The following SEMA5A variants were observed in gnomAD, a reference collection of about 807,000 sequenced individuals.
SEMA5A encodes semaphorin 5A.
Under a neutral mutation model 135.5 loss-of-function variants are expected in SEMA5A, and 55 were observed. That is an observed-to-expected ratio of 0.41 (90% CI 0.33 to 0.51). SEMA5A has a LOEUF of 0.51. Among genes scored for constraint, SEMA5A ranks in the 20% least tolerant of loss-of-function variants. SEMA5A has a pLI of 0.37. For missense variants in SEMA5A, 1,290 were observed against 1,419.9 expected, an observed-to-expected ratio of 0.91 and a Z score of 1.47; for synonymous variants, 580 against 546.5, an observed-to-expected ratio of 1.06 and a Z score of -0.85.
Position 9,297,688 on chromosome 5 carries a change from G to A in SEMA5A, c.270+20684C>T, listed in dbSNP as rs186457470. Among the ~76,000 whole-genome samples, 16 of 151,832 alleles carry A rather than the reference G, an allele frequency of 1.1e-4. No homozygotes were observed. The East Asian group carries it at 2.7e-3, about 26-fold the overall frequency. ...TCCCACCTCAGTCTCCCGAGTAGCT[G>A]GGACTACAGGTACATGCCACCATGT... On this transcript the variant is annotated intron_variant, in intron 5 of 22. Coordinates refer to ENST00000382496, the MANE Select transcript of SEMA5A (RefSeq NM_003966.3).
intron 8 of SEMA5A, among the ~76,000 whole-genome samples, chr5:9,205,354 CT>C (rs35219867): frequency 0.55 from 83,202 of 151,816 alleles, 23,034 homozygotes; most frequent in Middle Eastern, 0.61. Context: ...GAAGAAACAA[CT>C]TTAAGGACTT....
intron 8 of SEMA5A, among the ~76,000 whole-genome samples, chr5:9,221,300 T>TA: frequency 2.2e-5 from 1 of 45,848 alleles, no homozygotes; most frequent in Non-Finnish European, 5.4e-5. Flanking sequence ...GAACATTTTC[T>TA]TTTTTTTTTT....
At position 9,226,976 on chromosome 5, in the gene SEMA5A, A is replaced by T; in HGVS notation, c.334-9T>A. On this transcript the variant is annotated splice_polypyrimidine_tract_variant and intron_variant, in intron 6 of 22. Transcript: ENST00000382496. ...TAGTTCTGACATTCCTCCTGAGGGAAAATAAATAAATTAATTAAAAATATA... is the reference window on the plus strand; with the variant it reads ...TAGTTCTGACATTCCTCCTGAGGGATAATAAATAAATTAATTAAAAATATA... 7.0e-7 allele frequency: 1 copy of T among 1,427,772 alleles called. No individual in the cohort carries two copies. The highest frequency in any genetic ancestry group is 9.3e-7 in the Non-Finnish European group (1 of 1,073,392). The allele number at this position is 1,427,772 out of a possible 1,614,324, so 88.4% of individuals were successfully genotyped here.
chr5:9,280,600 G>A (rs567291403), intron 5 of SEMA5A, among the ~76,000 whole-genome samples: 14 of 152,354 alleles, frequency 9.2e-5, no homozygotes, highest in Admixed American at 7.2e-4. Context: ...GACATTTGAA[G>A]TCCAGTTTCC....
intron 1 of SEMA5A, among the ~76,000 whole-genome samples, chr5:9,442,928 A>G (rs1338471809): frequency 6.6e-6 from 1 of 152,236 alleles, no homozygotes; most frequent in Admixed American, 6.5e-5. Flanking sequence ...TGAAAATACA[A>G]AATGAGTAAA....
intron 15 of SEMA5A, 33 bp from the exon 16 acceptor site, chr5:9,108,320 T>G: frequency 6.2e-7 from 1 of 1,609,400 alleles, no homozygotes. Context: ...ACAAGGAAAC[T>G]AATTAGTGCC....
At chr5:9,436,502 A>G (rs1758036787) in intron 2 of SEMA5A, among the ~76,000 whole-genome samples, 1 of 152,202 alleles carries the variant, frequency 6.6e-6, no homozygotes, top group South Asian at 2.1e-4. Context: ...GCCCAGCTCT[A>G]AGACCCATTT....
intron 11 of SEMA5A, 94 bp from the exon 12 acceptor site, chr5:9,154,789 A>T: frequency 9.0e-7 from 1 of 1,109,858 alleles, no homozygotes; most frequent in Non-Finnish European, 1.3e-6. Flanking sequence ...GCAGCCATGG[A>T]TCTTCAGCCA....
At chr5:9,251,288 T>C (rs1748771058) in intron 5 of SEMA5A, among the ~76,000 whole-genome samples, 1 of 152,100 alleles carries the variant, frequency 6.6e-6, no homozygotes, top group Non-Finnish European at 1.5e-5. Flanking sequence ...TATGGTAATC[T>C]AACAGCAGAA....
At chr5:9,335,349 C>T (rs550323876) in intron 4 of SEMA5A, among the ~76,000 whole-genome samples, 13 of 152,202 alleles carry the variant, frequency 8.5e-5, no homozygotes, top group Non-Finnish European at 1.5e-4. Flanking sequence ...CTGCCATCCA[C>T]AGCCAGAACA....
At chr5:9,253,883 C>T (rs1280280018) in intron 5 of SEMA5A, among the ~76,000 whole-genome samples, 2 of 152,122 alleles carry the variant, frequency 1.3e-5, no homozygotes, top group African/African-American at 4.8e-5. Flanking sequence ...ATTGCCTTTA[C>T]ATGAATAACA....
intron 2 of SEMA5A, among the ~76,000 whole-genome samples, chr5:9,382,283 G>C (rs535795770): frequency 6.6e-6 from 1 of 152,044 alleles, no homozygotes; most frequent in African/African-American, 2.4e-5. Flanking sequence ...CTAGGCAACA[G>C]AGCAAGACTT....
chr5:9,497,295 T>G (rs1162670274), intron 1 of SEMA5A, among the ~76,000 whole-genome samples: 1 of 152,222 alleles, frequency 6.6e-6, no homozygotes, highest in African/African-American at 2.4e-5. Flanking sequence ...TGCTGCAAAA[T>G]GTATGCACAA....
At chr5:9,345,136 T>C (rs924575336) in intron 3 of SEMA5A, among the ~76,000 whole-genome samples, 1 of 152,188 alleles carries the variant, frequency 6.6e-6, no homozygotes, top group Non-Finnish European at 1.5e-5. Context: ...AAACATGAGG[T>C]AAACCCACCC....
At chr5:9,535,174 C>T (rs1289444615) in intron 1 of SEMA5A, among the ~76,000 whole-genome samples, 3 of 149,628 alleles carry the variant, frequency 2.0e-5, no homozygotes, top group Non-Finnish European at 4.5e-5. Flanking sequence ...GGAAACTCCG[C>T]AGGTGGGCCT....
At chr5:9,119,953 A>C (rs1579429205) in intron 14 of SEMA5A, among the ~76,000 whole-genome samples, 3 of 150,218 alleles carry the variant, frequency 2.0e-5, no homozygotes, top group African/African-American at 4.8e-5. Context: ...AAATTTTTTT[A>C]ATTCTATTGA....
chr5:9,537,959 T>C (rs924335597), intron 1 of SEMA5A, among the ~76,000 whole-genome samples: 1 of 152,080 alleles, frequency 6.6e-6, no homozygotes, highest in Non-Finnish European at 1.5e-5. Flanking sequence ...AACACTCCCA[T>C]GGAAAGCCAC....
At chr5:9,295,030 C>G (rs959788973) in intron 5 of SEMA5A, among the ~76,000 whole-genome samples, 1 of 152,164 alleles carries the variant, frequency 6.6e-6, no homozygotes, top group Admixed American at 6.5e-5. Flanking sequence ...CCTCAAAACC[C>G]ACTCTCCCTG....
intron 2 of SEMA5A, among the ~76,000 whole-genome samples, chr5:9,421,904 C>A (rs190441820): frequency 1.3e-5 from 2 of 152,204 alleles, no homozygotes; most frequent in East Asian, 1.9e-4. Flanking sequence ...TTAGAAATAC[C>A]AACCTTATGC....
Sources: allele counts gnomAD v4.1 joint callset (sites outside exome capture counted in the v4.1 genomes callset), GRCh38; gene constraint gnomAD v4.1.1; transcripts MANE v1.5; gene names NCBI Gene and HGNC (gene_info 2026-07-23, HGNC 2026-07-21).